Variants in PTPRG observed in about 807,000 individuals in gnomAD.
The protein encoded by PTPRG is receptor-type tyrosine-protein phosphatase gamma.
A neutral mutation model predicts 165.3 loss-of-function variants in PTPRG; 102 were observed. The ratio of observed to expected loss-of-function variants is 0.62; its 90% CI spans 0.53 to 0.73. The LOEUF (loss-of-function observed/expected upper bound fraction) is 0.73, where lower values mean the gene tolerates loss of function less well. PTPRG is among the 30% of genes least tolerant of loss of function. The probability of loss-of-function intolerance (pLI) is 0.00; values close to 1 mark genes in which losing one functional copy is unlikely to be tolerated. For missense variants in PTPRG, 1,866 were observed against 1,861.4 expected (o/e 1.00, Z -0.05); for synonymous variants, 675 against 669.5 (o/e 1.01, Z -0.13).
intron 1 of PTPRG, among the ~76,000 whole-genome samples, chr3:61,587,029 G>A (rs1700450947): frequency 6.6e-6 from 1 of 152,148 alleles, no homozygotes; most frequent in Non-Finnish European, 1.5e-5. Context: ...GGGGATGGGG[G>A]TAGTGTTCTG....
At chr3:61,793,097 G>T (rs375199974) in intron 2 of PTPRG, among the ~76,000 whole-genome samples, 2 of 152,168 alleles carry the variant, frequency 1.3e-5, no homozygotes, top group African/African-American at 4.8e-5. Context: ...CCAAGGTTCA[G>T]TGAATGATTG....
At chr3:61,700,373 G>T (rs1246932669) in intron 1 of PTPRG, among the ~76,000 whole-genome samples, 3 of 152,142 alleles carry the variant, frequency 2.0e-5, no homozygotes, top group Non-Finnish European at 4.4e-5. Flanking sequence ...ATGTTCCACA[G>T]TAAGATTTCT....
At chr3:62,286,720 A>C (rs1702678778) in intron 28 of PTPRG, among the ~76,000 whole-genome samples, 1 of 152,134 alleles carries the variant, frequency 6.6e-6, no homozygotes, top group South Asian at 2.1e-4. Context: ...CCCTTAGAGG[A>C]AGTGGCAAAC....
chr3:61,926,434 C>T (rs1054943159), intron 2 of PTPRG, among the ~76,000 whole-genome samples: 8 of 152,020 alleles, frequency 5.3e-5, no homozygotes, highest in Non-Finnish European at 7.4e-5. Context: ...TCTCCTTCAC[C>T]TTCCTCCATG....
At chr3:61,808,909 T>G (rs1194627673) in intron 2 of PTPRG, among the ~76,000 whole-genome samples, 2 of 151,242 alleles carry the variant, frequency 1.3e-5, no homozygotes, top group Non-Finnish European at 2.9e-5. Flanking sequence ...AAAACTGAGG[T>G]GTAGTATACC....
intron 2 of PTPRG, among the ~76,000 whole-genome samples, chr3:61,890,381 T>G (rs1442224210): frequency 6.6e-6 from 1 of 151,130 alleles, no homozygotes; most frequent in Non-Finnish European, 1.5e-5. Context: ...GTGGAAGTAT[T>G]TATGGGTTTT....
At chr3:62,141,463 G>C (rs2106642114) in intron 6 of PTPRG, among the ~76,000 whole-genome samples, 1 of 152,230 alleles carries the variant, frequency 6.6e-6, no homozygotes, top group South Asian at 2.1e-4. Flanking sequence ...GCCTGGCATG[G>C]TGGCACCCAC....
chr3:61,985,329 C>T (rs533313382), intron 2 of PTPRG, among the ~76,000 whole-genome samples: 1 of 152,282 alleles, frequency 6.6e-6, no homozygotes, highest in South Asian at 2.1e-4. Context: ...CCATGAAATG[C>T]TTGCACCCAC....
At chr3:62,028,907 A>C (rs1699669995) in intron 4 of PTPRG, among the ~76,000 whole-genome samples, 1 of 152,130 alleles carries the variant, frequency 6.6e-6, no homozygotes. Flanking sequence ...GTAGATTATG[A>C]GTTGATACTC....
rs886836691 is a variant in PTPRG, at chr3:62,210,696, A to C, written c.2155+6746A>C. ...CTTTTCATTCTCCCCTCATCAACCT[A>C]CTGAAAGATGATGAGAATGAAGACC... On this transcript the variant is annotated intron_variant, in intron 12 of 29. Coordinates refer to ENST00000474889, the MANE Select transcript of PTPRG (RefSeq NM_002841.4). The surrounding 1 kb of genome is among the most constrained non-coding windows in gnomAD (Gnocchi z 4.1). Among the ~76,000 whole-genome samples the C allele has an allele frequency of 6.6e-6, 1 of 152,082 alleles. No individual in the cohort carries two copies. Among genetic ancestry groups the C allele is most frequent in the African/African-American group, 2.4e-5 (1 of 41,402 alleles).
chr3:61,835,821 C>G (rs1456105102), intron 2 of PTPRG, among the ~76,000 whole-genome samples: 1 of 151,656 alleles, frequency 6.6e-6, no homozygotes, highest in Non-Finnish European at 1.5e-5. Context: ...GGTGGATCAC[C>G]TGAGAGGTCA....
Position 61,628,042 on chromosome 3 carries a change from G to A in PTPRG, c.85+65670G>A, listed in dbSNP as rs574826917. Among the ~76,000 whole-genome samples, 3 of 152,274 alleles carry A rather than the reference G, an allele frequency of 2.0e-5. No homozygotes were observed. In the East Asian group the frequency reaches 5.8e-4, roughly 29 times the overall value. The stretch of plus-strand genomic sequence containing the variant: ...ACTTAAGTTTAGATAACTGAGATAA[G>A]CCAGGATTTATGGACAGACAGATAT... On this transcript the variant is annotated intron_variant, in intron 1 of 29. Transcript: ENST00000474889.
intron 1 of PTPRG, among the ~76,000 whole-genome samples, chr3:61,570,518 T>A (rs1160367262): frequency 6.6e-6 from 1 of 152,210 alleles, no homozygotes; most frequent in African/African-American, 2.4e-5. Context: ...AGCAGGGTGT[T>A]GTATAATGCA....
intron 1 of PTPRG, among the ~76,000 whole-genome samples, chr3:61,702,028 G>C (rs1283876070): frequency 1.3e-5 from 2 of 152,052 alleles, no homozygotes; most frequent in Non-Finnish European, 2.9e-5. Context: ...GCCCAGGCTG[G>C]AGTGCAGTGG....
intron 1 of PTPRG, among the ~76,000 whole-genome samples, chr3:61,622,393 G>A (rs550776738): frequency 1.8e-4 from 27 of 152,056 alleles, no homozygotes; most frequent in Non-Finnish European, 3.1e-4. Context: ...ACAGAAGTTG[G>A]TACATTTCTG....
intron 1 of PTPRG, among the ~76,000 whole-genome samples, chr3:61,665,424 A>C (rs944565811): frequency 6.6e-6 from 1 of 151,770 alleles, no homozygotes; most frequent in African/African-American, 2.4e-5. Context: ...GCCAAGTTGT[A>C]ACTTGAAAGA....
chr3:61,732,128 A>G (rs1459415001), intron 1 of PTPRG, among the ~76,000 whole-genome samples: 1 of 152,174 alleles, frequency 6.6e-6, no homozygotes, highest in Non-Finnish European at 1.5e-5. Context: ...TAAATTTTGT[A>G]GCAGCTACCA....
At chr3:61,734,763 T>C (rs1165585852) in intron 1 of PTPRG, among the ~76,000 whole-genome samples, 1 of 152,238 alleles carries the variant, frequency 6.6e-6, no homozygotes, top group East Asian at 1.9e-4. Context: ...CCAAGTTTGA[T>C]TGACCGTATT....
intron 2 of PTPRG, among the ~76,000 whole-genome samples, chr3:61,802,024 C>CAA (rs112361163): frequency 0.035 from 3,954 of 112,722 alleles, 208 homozygotes; most frequent in African/African-American, 0.12. Flanking sequence ...GACTCCATCT[C>CAA]AAAAAAAAAA....
Sources: allele counts gnomAD v4.1 joint callset (sites outside exome capture counted in the v4.1 genomes callset), GRCh38; gene constraint gnomAD v4.1.1; non-coding constraint Gnocchi (gnomAD v3.1); transcripts MANE v1.5; gene names NCBI Gene and HGNC (gene_info 2026-07-23, HGNC 2026-07-21).